Variants in PPP3CC observed in about 807,000 individuals in gnomAD.
The protein encoded by PPP3CC is serine/threonine-protein phosphatase 2B catalytic subunit gamma isoform.
A neutral mutation model predicts 60.3 loss-of-function variants in PPP3CC; 35 were observed. That is an observed-to-expected ratio of 0.58 (90% CI 0.44 to 0.77). The LOEUF is 0.77. Ranked by LOEUF, PPP3CC falls within the 30% of genes least tolerant of loss-of-function variation. PPP3CC has a pLI of 0.00. For synonymous variants in PPP3CC, 206 were observed against 224.3 expected, an observed-to-expected ratio of 0.92 and a Z score of 0.73; for missense variants, 570 against 628.9, an observed-to-expected ratio of 0.91 and a Z score of 1.00.
At chr8:22,470,079 CACACACAT>C (rs1331837648) in intron 1 of PPP3CC, among the ~76,000 whole-genome samples, 231 of 151,472 alleles carry the variant, frequency 1.5e-3, no homozygotes, top group African/African-American at 5.4e-3. Context: ...CACACACACA[CACACACAT>C]ACATATATAT....
chr8:22,469,587 T>A (rs1837653362), intron 1 of PPP3CC, among the ~76,000 whole-genome samples: 1 of 152,158 alleles, frequency 6.6e-6, no homozygotes, highest in Admixed American at 6.6e-5. Context: ...CTACAGCTTC[T>A]TCCTGGCTCT....
rs569926835 is a variant in PPP3CC, at chr8:22,540,726, G to T, written c.1463G>T (p.Gly488Val). 7 of 1,614,076 alleles carry T rather than the reference G, an allele frequency of 4.3e-6. No individual in the cohort carries two copies. In the East Asian group the frequency reaches 1.6e-4, roughly 36 times the overall value. The part of the protein sequence containing the change: ...PPRKDSIHAG[G>V]PMKSVTSAHS... ...CGAAAGGATAGCATACACGCTGGTGGGCCAATGAAATCTGTAACCTCAGCA... is the reference window on the plus strand; with the variant it reads ...CGAAAGGATAGCATACACGCTGGTGTGCCAATGAAATCTGTAACCTCAGCA... Residue 488 changes from glycine (G) to valine (V), a missense_variant, in exon 14 of 14, where the codon GGG becomes GTG. Physicochemically the swap from Gly to Val is moderately radical, Grantham distance 109 (BLOSUM62 -3). Coordinates refer to ENST00000240139, the MANE Select transcript of PPP3CC (RefSeq NM_005605.5).
chr8:22,489,198 A>C (rs1269822432), intron 3 of PPP3CC, among the ~76,000 whole-genome samples: 2 of 152,162 alleles, frequency 1.3e-5, no homozygotes, highest in African/African-American at 4.8e-5. Flanking sequence ...GTCAGTAATT[A>C]GATTAGGCAT....
At chr8:22,450,176 C>T (rs1216957030) in intron 1 of PPP3CC, among the ~76,000 whole-genome samples, 1 of 151,926 alleles carries the variant, frequency 6.6e-6, no homozygotes, top group Admixed American at 6.6e-5. Flanking sequence ...GCTGTGATGA[C>T]CATGTTTTAA....
At chr8:22,509,089 A>G (rs1465933336) in intron 4 of PPP3CC, among the ~76,000 whole-genome samples, 1 of 152,188 alleles carries the variant, frequency 6.6e-6, no homozygotes, top group Non-Finnish European at 1.5e-5. Context: ...GTTAAAGAGA[A>G]ATCTTCACAC....
chr8:22,443,235 G>T (rs1200557850), intron 1 of PPP3CC, among the ~76,000 whole-genome samples: 1 of 152,058 alleles, frequency 6.6e-6, no homozygotes, highest in Non-Finnish European at 1.5e-5. Flanking sequence ...AAAATGCAGG[G>T]GCTAGGGGCA....
At chr8:22,478,287 G>C (rs532907170) in intron 3 of PPP3CC, among the ~76,000 whole-genome samples, 1 of 150,854 alleles carries the variant, frequency 6.6e-6, no homozygotes, top group African/African-American at 2.4e-5. Flanking sequence ...GAGTAGCTGG[G>C]ATTACAGGTG....
At chr8:22,455,121 A>C (rs1206050149) in intron 1 of PPP3CC, among the ~76,000 whole-genome samples, 1 of 151,996 alleles carries the variant, frequency 6.6e-6, no homozygotes, top group East Asian at 1.9e-4. Flanking sequence ...AAAATGATGA[A>C]ATTTTCCTTT....
chr8:22,492,783 T>C, intron 3 of PPP3CC: 2 of 1,004,002 alleles, frequency 2.0e-6, no homozygotes, highest in Non-Finnish European at 3.2e-6. Flanking sequence ...GTAAACAATG[T>C]CTCTGGTATT....
intron 3 of PPP3CC, among the ~76,000 whole-genome samples, chr8:22,481,544 TC>T (rs375465512): frequency 6.7e-6 from 1 of 150,368 alleles, no homozygotes; most frequent in Non-Finnish European, 1.5e-5. Context: ...AGTTTTGTGT[TC>T]TTTTTTTTTT....
intron 4 of PPP3CC, among the ~76,000 whole-genome samples, chr8:22,499,446 AAAAAAAAAAAG>A (rs1838698123): frequency 7.3e-6 from 1 of 137,026 alleles, no homozygotes; most frequent in Non-Finnish European, 1.5e-5. Context: ...ACTCCGTCTC[AAAAAAAAAAAG>A]AAAAAAAAAA....
intron 3 of PPP3CC, among the ~76,000 whole-genome samples, chr8:22,496,513 T>TTTTTTTTTTTTTTTTTTC (rs1838590666): frequency 8.0e-6 from 1 of 124,284 alleles, no homozygotes; most frequent in Non-Finnish European, 1.6e-5. Context: ...TTTTTTTTTT[T>TTTTTTTTTTTTTTTTTTC]TTGAGACAGA....
At chr8:22,489,689 G>GTATATATTATATATTATATATAA (rs1838331326) in intron 3 of PPP3CC, among the ~76,000 whole-genome samples, 9 of 90,190 alleles carry the variant, frequency 1.0e-4, no homozygotes, top group African/African-American at 4.5e-4. Context: ...TTATATATAA[G>GTATATATTATATATTATATATAA]TATATATTAT....
intron 6 of PPP3CC, among the ~76,000 whole-genome samples, chr8:22,518,219 G>A (rs1362512300): frequency 2.0e-5 from 3 of 151,884 alleles, no homozygotes; most frequent in Non-Finnish European, 4.4e-5. Context: ...GTACCGCCAT[G>A]CCCAGCTAAT....
chr8:22,448,520 C>T (rs755703173), intron 1 of PPP3CC, among the ~76,000 whole-genome samples: 2 of 151,876 alleles, frequency 1.3e-5, no homozygotes, highest in African/African-American at 2.4e-5. Context: ...GCTGGGATTA[C>T]AGGCATGCAC....
chr8:22,516,568 T>C (rs1839250274), intron 6 of PPP3CC, among the ~76,000 whole-genome samples: 1 of 152,244 alleles, frequency 6.6e-6, no homozygotes. Flanking sequence ...TACAGAGGTT[T>C]CATAATCATT....
chr8:22,520,892 G>A (rs958654992), intron 6 of PPP3CC, among the ~76,000 whole-genome samples: 1 of 152,160 alleles, frequency 6.6e-6, no homozygotes, highest in Non-Finnish European at 1.5e-5. Context: ...GCCTTGCAAT[G>A]GAGTCTATGC....
At chr8:22,527,783 G>A (rs926376942) in intron 9 of PPP3CC, among the ~76,000 whole-genome samples, 7 of 151,996 alleles carry the variant, frequency 4.6e-5, no homozygotes, top group African/African-American at 1.2e-4. Context: ...TTATAGGCAC[G>A]TGCCACTGCA....
chr8:22,464,200 G>C (rs964485894), intron 1 of PPP3CC, among the ~76,000 whole-genome samples: 1 of 151,904 alleles, frequency 6.6e-6, no homozygotes, highest in Non-Finnish European at 1.5e-5. Flanking sequence ...AAAGCAAAGA[G>C]TTCTCACAAA....
Sources: gnomAD v4.1 joint callset for allele counts (sites outside exome capture counted in the v4.1 genomes callset) on GRCh38, gnomAD v4.1.1 for gene constraint, MANE v1.5 for transcripts, NCBI Gene and HGNC (gene_info 2026-07-23, HGNC 2026-07-21) for gene names.